PCDH11X: variants seen among roughly 807,000 people sequenced by gnomAD.
PCDH11X encodes protocadherin-11 X-linked.
Under a neutral mutation model 53.3 loss-of-function variants are expected in PCDH11X, and 18 were observed. The ratio of observed to expected loss-of-function variants is 0.34; its 90% CI spans 0.23 to 0.50. PCDH11X has a LOEUF of 0.50. PCDH11X is among the 20% of genes least tolerant of loss of function. The probability of loss-of-function intolerance (pLI) is 0.98; values close to 1 mark genes in which losing one functional copy is unlikely to be tolerated. For synonymous variants in PCDH11X, 279 were observed against 393.3 expected (o/e 0.71, Z 3.44); for missense variants, 570 against 1,032.4 (o/e 0.55, Z 6.14).
intron 1 of PCDH11X, among the ~76,000 whole-genome samples, chrX:91,786,302 G>A (rs1935332585): frequency 1.8e-5 from 2 of 108,698 alleles, no homozygotes; most frequent in African/African-American, 6.7e-5. Context: ...TGTAGATTTG[G>A]GTAAATAGGA....
At chrX:92,369,786 C>T (rs1189305271) in intron 8 of PCDH11X, among the ~76,000 whole-genome samples, 2 of 111,117 alleles carry the variant, frequency 1.8e-5, no homozygotes, top group Admixed American at 9.6e-5. Context: ...CCAGGTGAAG[C>T]GATGCCCCAC....
chrX:92,329,188 A>G (rs924488037), intron 8 of PCDH11X, among the ~76,000 whole-genome samples: 6 of 111,846 alleles, frequency 5.4e-5, no homozygotes, highest in African/African-American at 1.6e-4. Flanking sequence ...GAAAAATCAT[A>G]TAAGTATCTC....
intron 1 of PCDH11X, among the ~76,000 whole-genome samples, chrX:91,802,396 G>A (rs892046863): frequency 9.0e-6 from 1 of 111,729 alleles, no homozygotes; most frequent in East Asian, 2.8e-4. Flanking sequence ...ACCACCACAC[G>A]TTGTCTTGTC....
chrX:91,933,932 A>T (rs2061416251), intron 6 of PCDH11X, among the ~76,000 whole-genome samples: 1 of 109,959 alleles, frequency 9.1e-6, no homozygotes, highest in Admixed American at 9.8e-5. Flanking sequence ...GGGTTTCTAA[A>T]TGGAGACATT....
At chrX:92,474,337 C>T (rs907170670) in intron 10 of PCDH11X, among the ~76,000 whole-genome samples, 1 of 110,068 alleles carries the variant, frequency 9.1e-6, no homozygotes, top group South Asian at 3.8e-4. Context: ...TGTATGAGTG[C>T]CTTTAAATGT....
intron 10 of PCDH11X, among the ~76,000 whole-genome samples, chrX:92,530,585 T>A (rs1447513465): frequency 8.9e-6 from 1 of 112,186 alleles, no homozygotes; most frequent in Admixed American, 9.4e-5. Flanking sequence ...AATAGTTCGG[T>A]GCTTGAAGAA....
chrX:92,127,011 C>T (rs2064878770), intron 6 of PCDH11X, among the ~76,000 whole-genome samples: 1 of 107,497 alleles, frequency 9.3e-6, no homozygotes, highest in Non-Finnish European at 1.9e-5. Context: ...TCTTAATGAG[C>T]ATATCTAGTG....
At chrX:92,019,870 C>A (rs768849855) in intron 6 of PCDH11X, among the ~76,000 whole-genome samples, 1 of 111,583 alleles carries the variant, frequency 9.0e-6, no homozygotes, top group South Asian at 3.8e-4. Flanking sequence ...AGTGAGGTAT[C>A]CAGGTTCTGT....
chrX:92,253,776 T>C (rs1015893957), intron 7 of PCDH11X, among the ~76,000 whole-genome samples: 5 of 112,306 alleles, frequency 4.5e-5, no homozygotes, highest in African/African-American at 1.6e-4. Context: ...TACTGATTTT[T>C]GTATGTTCAT....
intron 6 of PCDH11X, among the ~76,000 whole-genome samples, chrX:92,193,353 G>A (rs2066233255): frequency 9.0e-6 from 1 of 111,323 alleles, no homozygotes; most frequent in East Asian, 2.8e-4. Context: ...TTTACATGCA[G>A]TAAAGTATGT....
chrX:92,351,925 TG>T (rs2070061327), intron 8 of PCDH11X, among the ~76,000 whole-genome samples: 2 of 111,864 alleles, frequency 1.8e-5, no homozygotes, highest in Admixed American at 9.5e-5. Flanking sequence ...AAAGAAGACA[TG>T]TGAAGTGTTT....
chrX:92,319,605 C>T (rs148396199), intron 8 of PCDH11X, among the ~76,000 whole-genome samples: 1,565 of 110,184 alleles, frequency 0.014, 59 homozygotes, highest in Admixed American at 0.12. Context: ...AGTGATCCTC[C>T]GCTTTGGTCC....
intron 6 of PCDH11X, among the ~76,000 whole-genome samples, chrX:92,164,111 GGTTTCCAA>G: frequency 8.9e-6 from 1 of 111,953 alleles, no homozygotes; most frequent in Non-Finnish European, 1.9e-5. Flanking sequence ...ATTATCATCT[GGTTTCCAA>G]GTAAGCTGCA....
intron 6 of PCDH11X, among the ~76,000 whole-genome samples, chrX:92,147,494 G>A (rs1264043725): frequency 2.7e-5 from 3 of 111,881 alleles, no homozygotes; most frequent in Admixed American, 1.9e-4. Context: ...AAATAAACAA[G>A]GGTTAGAGAT....
At chrX:92,359,795 G>T (rs887575838) in intron 8 of PCDH11X, among the ~76,000 whole-genome samples, 20 of 110,785 alleles carry the variant, frequency 1.8e-4, no homozygotes, top group African/African-American at 6.5e-4. Context: ...ACTATAGGTA[G>T]TTTATTCCAC....
At chrX:92,320,894 G>A (rs1336539502) in intron 8 of PCDH11X, among the ~76,000 whole-genome samples, 1 of 109,358 alleles carries the variant, frequency 9.1e-6, no homozygotes, top group Admixed American at 9.9e-5. Flanking sequence ...TGAAGATCCT[G>A]ACACATCTAT....
chrX:92,328,699 A>G (rs901442347), intron 8 of PCDH11X, among the ~76,000 whole-genome samples: 19 of 111,083 alleles, frequency 1.7e-4, no homozygotes, highest in Non-Finnish European at 3.8e-5. Flanking sequence ...TATGCAAATT[A>G]CTTGGAAGAA....
chrX:92,497,087 G>C (rs746938480), intron 10 of PCDH11X, among the ~76,000 whole-genome samples: 1 of 111,731 alleles, frequency 9.0e-6, no homozygotes, highest in Admixed American at 9.5e-5. Context: ...TGGCACTTGA[G>C]CTCAGTTCCA....
At chrX:92,396,839 T>C (rs2071258532) in intron 9 of PCDH11X, among the ~76,000 whole-genome samples, 1 of 34,784 alleles carries the variant, frequency 2.9e-5, no homozygotes, top group Non-Finnish European at 5.0e-5. Flanking sequence ...AGAGGGACTC[T>C]GTCTCAAAAA....
Sources: allele counts gnomAD v4.1 joint callset (sites outside exome capture counted in the v4.1 genomes callset), GRCh38; gene constraint gnomAD v4.1.1; transcripts MANE v1.5; gene names NCBI Gene and HGNC (gene_info 2026-07-23, HGNC 2026-07-21).